The following NUBPL variants were observed in gnomAD, a reference collection of about 807,000 sequenced individuals.
NUBPL encodes NUBP iron-sulfur cluster assembly factor, mitochondrial.
NUBPL carries 31 observed loss-of-function variants against 45.7 expected under a neutral mutation model. That is an observed-to-expected ratio of 0.68 (90% confidence interval 0.51 to 0.92). The LOEUF (loss-of-function observed/expected upper bound fraction) is 0.92. NUBPL is among the 40% of genes least tolerant of loss of function. NUBPL has a pLI of 0.00. For missense variants in NUBPL, 401 were observed against 398.7 expected (o/e 1.01, Z -0.05); for synonymous variants, 144 against 140.9 (o/e 1.02, Z -0.15).
At chr14:31,683,796 A>G (rs2036893224) in intron 6 of NUBPL, among the ~76,000 whole-genome samples, 1 of 151,958 alleles carries the variant, frequency 6.6e-6, no homozygotes, top group African/African-American at 2.4e-5. Context: ...GCTGGTGATG[A>G]ATTTTCTCAG....
chr14:31,831,059 T>TA (rs61464888), intron 8 of NUBPL, among the ~76,000 whole-genome samples: 58,586 of 151,352 alleles, frequency 0.39, 12,487 homozygotes, highest in East Asian at 0.6. Context: ...TTTATTTATT[T>TA]TTTTGAGACA....
chr14:31,834,223 C>T (rs1399737119), intron 8 of NUBPL, among the ~76,000 whole-genome samples: 2 of 137,886 alleles, frequency 1.5e-5, no homozygotes, highest in Non-Finnish European at 3.0e-5. Context: ...GCTCTGTCGC[C>T]AGGCTGGAGT....
intron 4 of NUBPL, among the ~76,000 whole-genome samples, chr14:31,667,383 G>A (rs1320504667): frequency 6.6e-6 from 1 of 151,908 alleles, no homozygotes; most frequent in Non-Finnish European, 1.5e-5. Flanking sequence ...TTCTCGTGCT[G>A]TGTTTTTCAG....
rs550866587 is a variant in NUBPL, at chr14:31,683,586, C to T, written c.513+10012C>T. Among the ~76,000 whole-genome samples the T allele has an allele frequency of 1.5e-3, 223 of 151,980 alleles. 3 individuals are homozygous for T. Among genetic ancestry groups the T allele is most frequent in the Non-Finnish European group, 1.8e-3 (123 of 67,944 alleles). On this transcript the variant is annotated intron_variant, in intron 6 of 10. Transcript: ENST00000281081. Reference sequence around the variant, plus strand: ...TAGGATGGTCTCGATCTCCTGACCTCGTGATCTGCCCGCCTCAGCCCCCCA... The same window carrying T: ...TAGGATGGTCTCGATCTCCTGACCTTGTGATCTGCCCGCCTCAGCCCCCCA...
At chr14:31,722,580 T>C (rs2037834522) in intron 6 of NUBPL, among the ~76,000 whole-genome samples, 1 of 152,198 alleles carries the variant, frequency 6.6e-6, no homozygotes, top group South Asian at 2.1e-4. Context: ...TGTTCCCTTT[T>C]CTCCGCTACT....
chr14:31,733,222 A>G (rs973383852), intron 6 of NUBPL, among the ~76,000 whole-genome samples: 4 of 152,152 alleles, frequency 2.6e-5, no homozygotes, highest in African/African-American at 9.7e-5. Context: ...CCTCGTATGG[A>G]GTGGCTGCTT....
chr14:31,850,382 T>C (rs2040520139), intron 10 of NUBPL, among the ~76,000 whole-genome samples, 181 bp downstream of exon 10: 1 of 152,210 alleles, frequency 6.6e-6, no homozygotes, highest in Admixed American at 6.5e-5. Context: ...CAGTGCTGGC[T>C]CTAAATTATC....
At chr14:31,645,924 A>C (rs1595428692) in intron 4 of NUBPL, among the ~76,000 whole-genome samples, 1 of 152,226 alleles carries the variant, frequency 6.6e-6, no homozygotes, top group Admixed American at 6.5e-5. Flanking sequence ...TACCATAATT[A>C]TAGCATTAGA....
At chr14:31,578,535 A>G (rs536634803) in intron 3 of NUBPL, among the ~76,000 whole-genome samples, 1 of 152,358 alleles carries the variant, frequency 6.6e-6, no homozygotes, top group South Asian at 2.1e-4. Context: ...TTCAGATGAA[A>G]GGGAAAACAC....
chr14:31,826,567 G>C lies in NUBPL; in HGVS notation c.608-62G>C, dbSNP rs1357242061. 33 of 1,444,482 alleles carry C rather than the reference G, an allele frequency of 2.3e-5. No individual in the cohort carries two copies. The East Asian group carries it at 6.6e-4, about 29-fold the overall frequency. 89.5% of individuals were successfully genotyped at this position (1,444,482 alleles called of 1,614,324 possible). ...TATTTGCGTATGTAAGCAACATAAT[G>C]CTGGAAGTAATTTCTCCATAGAGAA... On this transcript the variant is annotated intron_variant, in intron 7 of 10. Transcript: ENST00000281081.
At position 31,614,814 on chromosome 14, in the gene NUBPL, A is replaced by G. The variant is rs77146245; in HGVS notation, c.382+15435A>G. Reference sequence around the variant, plus strand: ...ACAGTAGACATACTAGCCATTGATTATAAGCATCAGTACATGCTGTAATAG... The same window carrying G: ...ACAGTAGACATACTAGCCATTGATTGTAAGCATCAGTACATGCTGTAATAG... On this transcript the variant is annotated intron_variant, in intron 4 of 10. Coordinates refer to ENST00000281081, the MANE Select transcript of NUBPL (RefSeq NM_025152.3). 7.5e-3 allele frequency among the ~76,000 whole-genome samples: 1,137 copies of G among 152,338 alleles called. 21 individuals carry two copies. Among genetic ancestry groups the G allele is most frequent in the African/African-American group, 0.026 (1,066 of 41,576 alleles).
At chr14:31,820,326 A>T (rs764683557) in intron 7 of NUBPL, among the ~76,000 whole-genome samples, 5 of 152,052 alleles carry the variant, frequency 3.3e-5, no homozygotes, top group Non-Finnish European at 4.4e-5. Context: ...CTTCATCACA[A>T]ACTGAAGTGA....
In NUBPL at chr14:31,562,210, C is replaced by G; in HGVS notation, c.251C>G (p.Thr84Arg). 7 of 1,613,456 alleles carry G rather than the reference C, an allele frequency of 4.3e-6. No individual in the cohort carries two copies. The highest frequency in any genetic ancestry group is 5.9e-6 in the Non-Finnish European group (7 of 1,179,504). ...SGKGGVGKST[T>R]AVNLALALAA... ...AAGGGTGGAGTCGGAAAATCTACTACAGCAGGTATTATAGGATATTAATTC... is the reference window on the plus strand; with the variant it reads ...AAGGGTGGAGTCGGAAAATCTACTAGAGCAGGTATTATAGGATATTAATTC... The change falls in exon 2 of 11, where the codon ACA becomes AGA. Residue 84 changes from threonine (T) to arginine (R), a missense_variant. By Grantham distance (71) the Thr-to-Arg change is moderately conservative. Coordinates refer to ENST00000281081, the MANE Select transcript of NUBPL (RefSeq NM_025152.3).
chr14:31,755,293 G>A (rs1242988568), intron 6 of NUBPL, among the ~76,000 whole-genome samples: 1 of 152,022 alleles, frequency 6.6e-6, no homozygotes, highest in South Asian at 2.1e-4. Flanking sequence ...CACAATGGTT[G>A]AACCAGTTTA....
At chr14:31,710,676 A>C (rs1047397628) in intron 6 of NUBPL, among the ~76,000 whole-genome samples, 1 of 152,140 alleles carries the variant, frequency 6.6e-6, no homozygotes, top group African/African-American at 2.4e-5. Flanking sequence ...CCCCAGAATG[A>C]AGTGGAGGGC....
rs538237746 is a variant in NUBPL, at chr14:31,758,145, G to A, written c.514-29635G>A. Among the ~76,000 whole-genome samples, 3 of 152,228 alleles carry A rather than the reference G, an allele frequency of 2.0e-5. No individual in the cohort carries two copies. The East Asian group carries it at 5.8e-4, about 29-fold the overall frequency. On this transcript the variant is annotated intron_variant, in intron 6 of 10. Coordinates refer to ENST00000281081, the MANE Select transcript of NUBPL (RefSeq NM_025152.3). Reference sequence around the variant, plus strand: ...TTATTGATAGTTTCCATCCATTAGAGTGTAAGTTCCATGGTGGTGATGCTG... The same window carrying A: ...TTATTGATAGTTTCCATCCATTAGAATGTAAGTTCCATGGTGGTGATGCTG...
intron 8 of NUBPL, among the ~76,000 whole-genome samples, chr14:31,827,924 C>T (rs2040131340): frequency 1.3e-5 from 2 of 152,108 alleles, no homozygotes; most frequent in African/African-American, 2.4e-5. Flanking sequence ...AGGTGAATTT[C>T]CTCAAGTACC....
At chr14:31,652,230 C>T (rs74691091) in intron 4 of NUBPL, among the ~76,000 whole-genome samples, 5,662 of 119,456 alleles carry the variant, frequency 0.047, 246 homozygotes, top group African/African-American at 0.11. Context: ...CACTTATGTG[C>T]GGAATCTAAA....
chr14:31,619,844 G>A (rs1023591629), intron 4 of NUBPL, among the ~76,000 whole-genome samples: 1 of 152,082 alleles, frequency 6.6e-6, no homozygotes, highest in Non-Finnish European at 1.5e-5. Flanking sequence ...TTGCTCGGTT[G>A]GGGGAGTTCT....
Sources: allele counts gnomAD v4.1 joint callset (sites outside exome capture counted in the v4.1 genomes callset), GRCh38; gene constraint gnomAD v4.1.1; transcripts MANE v1.5; gene names NCBI Gene and HGNC (gene_info 2026-07-23, HGNC 2026-07-21).